The following NBAS variants were observed in gnomAD, a reference collection of about 807,000 sequenced individuals.
NBAS encodes the protein NBAS subunit of NRZ tethering complex.
A neutral mutation model predicts 302.5 loss-of-function variants in NBAS; 219 were observed. That is an observed-to-expected ratio of 0.72 (90% CI 0.65 to 0.81). NBAS has a LOEUF of 0.81. Among genes scored for constraint, NBAS ranks in the 30% least tolerant of loss-of-function variants. NBAS has a pLI of 0.00. For missense variants in NBAS, 2,932 were observed against 2,841.6 expected, an observed-to-expected ratio of 1.03 and a Z score of -0.72; for synonymous variants, 1,118 against 1,021.6, an observed-to-expected ratio of 1.09 and a Z score of -1.80.
intron 38 of NBAS, among the ~76,000 whole-genome samples, chr2:15,312,400 T>A (rs773215454): frequency 6.6e-6 from 1 of 152,090 alleles, no homozygotes; most frequent in Admixed American, 6.6e-5. Flanking sequence ...AAGCCTCCCA[T>A]GTAGCTAGAA....
At chr2:15,120,208 G>A in the NBAS span, among the ~76,000 whole-genome samples, 1 of 152,214 alleles carries the variant, frequency 6.6e-6, no homozygotes, top group Non-Finnish European at 1.5e-5. Flanking sequence ...CTTAGCAGGT[G>A]CCTAAACAAT....
chr2:14,895,412 A>T, the NBAS span, among the ~76,000 whole-genome samples: 1 of 152,214 alleles, frequency 6.6e-6, no homozygotes, highest in Admixed American at 6.5e-5. Context: ...ATGCAACGAA[A>T]ACAAAAATAG....
chr2:14,975,833 A>C, the NBAS span, among the ~76,000 whole-genome samples: 16 of 152,254 alleles, frequency 1.1e-4, no homozygotes, highest in African/African-American at 3.6e-4. Flanking sequence ...GGTAGAAAAA[A>C]AAAAATGACC....
At chr2:15,167,388 C>T (rs1664080305) in intron 51 of NBAS, 65 bp from the exon 52 acceptor site, 3 of 1,579,204 alleles carry the variant, frequency 1.9e-6, no homozygotes, top group Non-Finnish European at 2.6e-6. Flanking sequence ...CCCTTGGATC[C>T]CTCGCTCTCC....
the NBAS span, among the ~76,000 whole-genome samples, chr2:14,929,687 AT>A: frequency 2.0e-5 from 3 of 149,618 alleles, no homozygotes; most frequent in Non-Finnish European, 4.5e-5. Flanking sequence ...CCAACAGTAA[AT>A]TTTTTTTTTT....
At chr2:15,105,274 G>A in the NBAS span, among the ~76,000 whole-genome samples, 2 of 152,064 alleles carry the variant, frequency 1.3e-5, no homozygotes, top group African/African-American at 4.8e-5. Flanking sequence ...GGGAGACTAG[G>A]GGAGGGATAA....
Position 15,551,473 on chromosome 2 carries a change from A to G in NBAS, c.379+20T>C. 1 of 1,571,436 alleles carries G rather than the reference A, an allele frequency of 6.4e-7. No individual in the cohort carries two copies. Among genetic ancestry groups the G allele is most frequent in the Admixed American group, 1.7e-5 (1 of 58,970 alleles). ...GCGCATTTGAAATTTTCATTCTTTA[A>G]ATATTTTGGAAACTCTTACCTTGAC... is the stretch of plus-strand genomic sequence containing the variant. On this transcript the variant is annotated intron_variant, in intron 6 of 51. Transcript: ENST00000281513.
chr2:14,895,347 A>C, the NBAS span, among the ~76,000 whole-genome samples: 2 of 152,318 alleles, frequency 1.3e-5, no homozygotes, highest in African/African-American at 4.8e-5. Context: ...TAGAAAAAAA[A>C]CTCTTCTAGA....
the NBAS span, among the ~76,000 whole-genome samples, chr2:14,870,476 A>G: frequency 1.3e-5 from 2 of 152,346 alleles, no homozygotes; most frequent in African/African-American, 4.8e-5. Context: ...TGGAGAAGCC[A>G]TCTAACATAG....
intron 35 of NBAS, among the ~76,000 whole-genome samples, chr2:15,337,532 T>C (rs933997308): frequency 6.6e-6 from 1 of 152,104 alleles, no homozygotes; most frequent in Non-Finnish European, 1.5e-5. Context: ...TTTCATAAAA[T>C]GGACCTAAAC....
intron 28 of NBAS, among the ~76,000 whole-genome samples, chr2:15,385,404 G>A (rs1352773315): frequency 6.6e-6 from 1 of 152,122 alleles, no homozygotes; most frequent in Non-Finnish European, 1.5e-5. Context: ...CATCAACACT[G>A]GGGCAGATGG....
At chr2:15,116,600 T>A in the NBAS span, among the ~76,000 whole-genome samples, 2 of 152,180 alleles carry the variant, frequency 1.3e-5, no homozygotes, top group African/African-American at 2.4e-5. Flanking sequence ...GGTGGAGAGG[T>A]AGGCACACAA....
chr2:15,511,488 T>C lies in NBAS; in HGVS notation c.747-138A>G. 3.9e-6 allele frequency: 3 copies of C among 768,842 alleles called. No homozygotes were observed. The South Asian group carries it at 5.3e-5, about 14-fold the overall frequency. 47.6% of individuals were successfully genotyped at this position (768,842 alleles called of 1,614,324 possible). On this transcript the variant is annotated intron_variant, in intron 9 of 51. Coordinates refer to ENST00000281513, the MANE Select transcript of NBAS (RefSeq NM_015909.4). Reference sequence around the variant, plus strand: ...ATATGTTAAACCTAGAAGGTAAATATTTCAGAGGAAACAATCAAAAGAAAA... The same window carrying C: ...ATATGTTAAACCTAGAAGGTAAATACTTCAGAGGAAACAATCAAAAGAAAA...
At chr2:15,021,964 G>C in the NBAS span, among the ~76,000 whole-genome samples, 641 of 152,280 alleles carry the variant, frequency 4.2e-3, 2 homozygotes, top group Non-Finnish European at 6.0e-3. Context: ...TAGGCAGAAG[G>C]CAGAAGGAAT....
At chr2:15,316,642 A>G (rs1671525985) in intron 38 of NBAS, among the ~76,000 whole-genome samples, 2 of 152,228 alleles carry the variant, frequency 1.3e-5, no homozygotes, top group African/African-American at 4.8e-5. Context: ...AGTCTGAGCT[A>G]GAACTGTGAG....
At chr2:15,407,824 T>C (rs2148443183) in intron 25 of NBAS, among the ~76,000 whole-genome samples, 1 of 152,286 alleles carries the variant, frequency 6.6e-6, no homozygotes, top group South Asian at 2.1e-4. Flanking sequence ...GTTCTGTAGG[T>C]CAGAAACCAA....
In NBAS at chr2:15,351,399, A is replaced by T. The variant is rs138824153; in HGVS notation, c.4179+593T>A. Among the ~76,000 whole-genome samples the T allele has an allele frequency of 8.8e-4, 134 of 152,300 alleles. 1 individual carries two copies. The highest frequency in any genetic ancestry group is 3.2e-3 in the African/African-American group (131 of 41,568). On this transcript the variant is annotated intron_variant, in intron 35 of 51. Coordinates refer to ENST00000281513, the MANE Select transcript of NBAS (RefSeq NM_015909.4). The stretch of plus-strand genomic sequence containing the variant: ...AGTTAGGAATGAAATACGGAAGGCC[A>T]GGCATGGTGGCTCACACCTGTAATC...
At chr2:15,461,981 T>G (rs1212354699) in intron 19 of NBAS, among the ~76,000 whole-genome samples, 190 bp from the exon 20 acceptor site, 1 of 152,250 alleles carries the variant, frequency 6.6e-6, no homozygotes, top group Non-Finnish European at 1.5e-5. Context: ...AGGGCTATAT[T>G]AATAAATGTT....
At chr2:15,419,258 T>C (rs1289895220) in intron 23 of NBAS, among the ~76,000 whole-genome samples, 1 of 152,198 alleles carries the variant, frequency 6.6e-6, no homozygotes, top group African/African-American at 2.4e-5. Context: ...TCAGAGCAGA[T>C]GAGAAATTTG....
Sources: allele counts gnomAD v4.1 joint callset (sites outside exome capture counted in the v4.1 genomes callset), GRCh38; gene constraint gnomAD v4.1.1; transcripts MANE v1.5; gene names NCBI Gene and HGNC (gene_info 2026-07-23, HGNC 2026-07-21).